PROCR: variants seen among roughly 807,000 people sequenced by gnomAD.
PROCR encodes the protein protein C receptor, also known as endothelial protein C receptor.
Under a neutral mutation model 24.2 loss-of-function variants are expected in PROCR, and 22 were observed. The ratio of observed to expected loss-of-function variants is 0.91; its 90% confidence interval spans 0.65 to 1.30. The LOEUF is 1.30. Ranked by LOEUF, PROCR falls within the 50% of genes most tolerant of loss-of-function variation. PROCR has a pLI of 0.00. For missense variants in PROCR, 288 were observed against 307.7 expected, an observed-to-expected ratio of 0.94 and a Z score of 0.48; for synonymous variants, 137 against 139.2, an observed-to-expected ratio of 0.98 and a Z score of 0.11.
At chr20:35,215,880 T>A in intron 1 of PROCR, 1 of 985,398 alleles carries the variant, frequency 1.0e-6, no homozygotes, top group Non-Finnish European at 1.2e-6. Context: ...CTCTCATTTA[T>A]ATTTCCTTTC....
chr20:35,205,752 AATATATATATATATATAT>A (rs200029202), intron 1 of PROCR, among the ~76,000 whole-genome samples: 54,172 of 102,752 alleles, frequency 0.53, 13,534 homozygotes, highest in East Asian at 0.68. Flanking sequence ...ACTCTGTCTA[AATATATATATATATATAT>A]ATATATATAT....
intron 1 of PROCR, among the ~76,000 whole-genome samples, chr20:35,173,370 A>G (rs937571619): frequency 6.6e-6 from 1 of 151,532 alleles, no homozygotes; most frequent in African/African-American, 2.4e-5. Flanking sequence ...AAAAATTTCC[A>G]AGAAGAGGGC....
chr20:35,174,123 C>G (rs1303141363), intron 1 of PROCR, among the ~76,000 whole-genome samples: 2 of 152,118 alleles, frequency 1.3e-5, no homozygotes, highest in African/African-American at 4.8e-5. Context: ...GCCCATTGCC[C>G]AGGTTATAAT....
chr20:35,178,508 T>TTTTTTTTTG (rs2086046375), downstream of PROCR, among the ~76,000 whole-genome samples: 1 of 5,704 alleles, frequency 1.8e-4, no homozygotes. Context: ...CAAGTCTCAG[T>TTTTTTTTTG]TTTTTTTTTT....
intron 1 of PROCR, among the ~76,000 whole-genome samples, chr20:35,206,635 T>C (rs2060343971): frequency 6.6e-6 from 1 of 151,970 alleles, no homozygotes. Context: ...TGGTAGGGAA[T>C]TGCAAATTAA....
At chr20:35,182,255 G>A (rs181424416), downstream of PROCR, among the ~76,000 whole-genome samples, 117 of 152,288 alleles carry the variant, frequency 7.7e-4, no homozygotes, top group Non-Finnish European at 9.8e-4. Flanking sequence ...TGATGCAAAT[G>A]AGAAGCCTGG....
At chr20:35,200,939 C>T (rs1316270460) in intron 1 of PROCR, among the ~76,000 whole-genome samples, 1 of 152,194 alleles carries the variant, frequency 6.6e-6, no homozygotes, top group Non-Finnish European at 1.5e-5. Context: ...TGAGCCACTG[C>T]ACCCGGCCTT....
intron 1 of PROCR, among the ~76,000 whole-genome samples, chr20:35,215,056 G>A (rs748338319): frequency 1.3e-5 from 2 of 151,922 alleles, no homozygotes; most frequent in African/African-American, 2.4e-5. Flanking sequence ...ACAGGCACGC[G>A]CCACCAAGCC....
At chr20:35,183,968 G>A (rs2086101261) in intron 1 of PROCR, among the ~76,000 whole-genome samples, 1 of 152,122 alleles carries the variant, frequency 6.6e-6, no homozygotes, top group Non-Finnish European at 1.5e-5. Context: ...TTGTGAAAAT[G>A]ACCATACTGC....
At chr20:35,201,126 G>A (rs1568599329) in intron 1 of PROCR, among the ~76,000 whole-genome samples, 4 of 150,842 alleles carry the variant, frequency 2.7e-5, no homozygotes, top group Admixed American at 1.3e-4. Context: ...TAAGTTGACT[G>A]TTAAAATTAG....
intron 2 of PROCR, 77 bp downstream of exon 2, chr20:35,175,030 G>A (rs181971379): frequency 0.014 from 15,177 of 1,068,148 alleles, 379 homozygotes; most frequent in Admixed American, 0.02. Context: ...GGCGGGGCCT[G>A]GCGGATGGAG....
At chr20:35,174,610 G>A (rs1279278911) in intron 1 of PROCR, 92 bp from the exon 2 acceptor site, 5 of 1,525,906 alleles carry the variant, frequency 3.3e-6, no homozygotes, top group Non-Finnish European at 4.5e-6. Context: ...TCGAGAAGGC[G>A]GGCGGCCAGC....
At chr20:35,205,413 ATCT>A (rs1294892461) in intron 1 of PROCR, among the ~76,000 whole-genome samples, 58 of 150,442 alleles carry the variant, frequency 3.9e-4, no homozygotes, top group Middle Eastern at 6.8e-3. Context: ...AAAAAAAAAA[ATCT>A]CTCAGCAAAC....
At chr20:35,202,173 C>G (rs1185805554) in intron 1 of PROCR, 1 of 152,046 alleles carries the variant, frequency 6.6e-6, no homozygotes, top group Non-Finnish European at 1.5e-5. Flanking sequence ...ATAAAATAAA[C>G]TAACAATTTT....
intron 1 of PROCR, among the ~76,000 whole-genome samples, chr20:35,200,274 TA>T (rs1397593386): frequency 1.3e-5 from 2 of 152,244 alleles, no homozygotes; most frequent in Non-Finnish European, 2.9e-5. Context: ...CTACTGTGGG[TA>T]AAATGCTATC....
At position 35,174,691 on chromosome 20, in the gene PROCR, T is replaced by C; in HGVS notation, c.71-11T>C. 6.2e-7 allele frequency: 1 copy of C among 1,613,860 alleles called. No individual in the cohort carries two copies. Among genetic ancestry groups the C allele is most frequent in the Non-Finnish European group, 8.5e-7 (1 of 1,179,976 alleles). Reference sequence around the variant, plus strand: ...CACGCCGGCCCAGGCTGAAGCTGACTCTGCCCGCAGGCCTCCAAAGACTTC... The same window carrying C: ...CACGCCGGCCCAGGCTGAAGCTGACCCTGCCCGCAGGCCTCCAAAGACTTC... On this transcript the variant is annotated splice_polypyrimidine_tract_variant and intron_variant, in intron 1 of 3. Transcript: ENST00000216968.
intron 1 of PROCR, among the ~76,000 whole-genome samples, chr20:35,203,490 G>A (rs935575892): frequency 1.1e-4 from 17 of 151,626 alleles, no homozygotes; most frequent in Admixed American, 7.2e-4. Context: ...GATAGTGCGC[G>A]CCTGTAATCT....
chr20:35,214,917 T>TA (rs1292233516), intron 1 of PROCR, among the ~76,000 whole-genome samples: 2 of 147,736 alleles, frequency 1.4e-5, no homozygotes, highest in African/African-American at 5.0e-5. Context: ...CTTTTTTTTT[T>TA]TTTTTTTGAG....
rs756062179 is a variant in PROCR at position 35,176,280 on chromosome 20, G to C, written c.435G>C (p.Pro145=). The C allele has an allele frequency of 6.2e-7, 1 of 1,614,206 alleles. No homozygotes were observed. Among genetic ancestry groups the C allele is most frequent in the South Asian group, 1.1e-5 (1 of 91,090 alleles). ...VNGSSFVSFR[P]ERALWQADTQ... The stretch of plus-strand genomic sequence containing the variant: ...GGAGCTCCTTTGTGAGTTTCCGGCC[G>C]GAGAGAGCCTTGTGGCAGGCAGACA... The change falls in exon 3 of 4, where the codon CCG becomes CCC. Residue 145 remains proline (P), a synonymous_variant. Transcript: ENST00000216968.
Sources: gnomAD v4.1 joint callset for allele counts (sites outside exome capture counted in the v4.1 genomes callset) on GRCh38, gnomAD v4.1.1 for gene constraint, MANE v1.5 for transcripts, NCBI Gene and HGNC (gene_info 2026-07-23, HGNC 2026-07-21) for gene names.